DNAI4: variants seen among roughly 807,000 people sequenced by gnomAD.
DNAI4 encodes dynein axonemal intermediate chain 4, also known as WD repeat domain 78.
Under a neutral mutation model 105.8 loss-of-function variants are expected in DNAI4, and 85 were observed. That is an observed-to-expected ratio of 0.80 (90% CI 0.67 to 0.96). The LOEUF (loss-of-function observed/expected upper bound fraction) is 0.96, where lower values mean the gene tolerates loss of function less well. Among genes scored for constraint, DNAI4 ranks in the 40% least tolerant of loss-of-function variants. The pLI is 0.00. For missense variants in DNAI4, 1,014 were observed against 1,005.6 expected (o/e 1.01, Z -0.11); for synonymous variants, 352 against 331.5 (o/e 1.06, Z -0.67).
chr1:66,906,697 G>T (rs1226362015), intron 1 of DNAI4, among the ~76,000 whole-genome samples: 1 of 151,782 alleles, frequency 6.6e-6, no homozygotes, highest in Admixed American at 6.6e-5. Context: ...AATTCCATTT[G>T]TGCACTATTT....
At chr1:66,876,662 T>C (rs1646965377) in intron 4 of DNAI4, among the ~76,000 whole-genome samples, 1 of 152,198 alleles carries the variant, frequency 6.6e-6, no homozygotes, top group Admixed American at 6.5e-5. Flanking sequence ...CCACACTCTT[T>C]ACCTATAGAA....
At chr1:66,819,497 G>T (rs1645582101) in intron 16 of DNAI4, among the ~76,000 whole-genome samples, 1 of 151,918 alleles carries the variant, frequency 6.6e-6, no homozygotes, top group South Asian at 2.1e-4. Flanking sequence ...TCTTTTGCTT[G>T]TGTGTTTGTT....
intron 9 of DNAI4, 132 bp downstream of exon 9, chr1:66,840,337 T>C (rs754505985): frequency 3.7e-6 from 3 of 803,176 alleles, no homozygotes; most frequent in Non-Finnish European, 5.9e-6. Context: ...TTTAGGGGCA[T>C]TCTAAAACTC....
rs1203978288 is a variant in DNAI4, at chr1:66,893,073, GAAAGAA to G, written c.530+150_530+155del. On this transcript the variant is annotated intron_variant, in intron 3 of 16. Transcript: ENST00000371026. ...AAAGAAAGAGAGAGAGAGAAAGAAA[GAAAGAA>G]AGAAAGAAAGAAAGAAAGAAAGAAA... Among the ~76,000 whole-genome samples, 14 of 135,956 alleles carry G rather than the reference GAAAGAA, an allele frequency of 1.0e-4. 1 individual carries two copies. The highest frequency in any genetic ancestry group is 4.2e-4 in the African/African-American group (14 of 33,218). 89.2% of individuals were successfully genotyped at this position (135,956 alleles called of 152,430 possible).
At chr1:66,847,743 T>A in intron 7 of DNAI4, 65 bp from the exon 8 acceptor site, 2 of 1,268,546 alleles carry the variant, frequency 1.6e-6, no homozygotes, top group Non-Finnish European at 2.2e-6. Flanking sequence ...ATTCTAAAGA[T>A]TTTAAAAATG....
chr1:66,818,307 C>A (rs571488124), intron 16 of DNAI4, among the ~76,000 whole-genome samples: 7 of 151,744 alleles, frequency 4.6e-5, no homozygotes, highest in African/African-American at 9.7e-5. Flanking sequence ...TATGAAATTA[C>A]TAAGAATTCC....
At chr1:66,822,566 T>C (rs778199636) in intron 15 of DNAI4, 49 bp from the exon 16 acceptor site, 1 of 1,388,740 alleles carries the variant, frequency 7.2e-7, no homozygotes, top group Non-Finnish European at 9.5e-7. Flanking sequence ...ATTAATATGG[T>C]CTTTTAAATA....
intron 16 of DNAI4, among the ~76,000 whole-genome samples, chr1:66,818,000 C>T (rs79759767): frequency 0.054 from 8,232 of 152,188 alleles, 288 homozygotes; most frequent in South Asian, 0.094. Flanking sequence ...TAATGTTAAT[C>T]TTTTTTACCC....
At chr1:66,875,675 A>G (rs1646945181) in intron 4 of DNAI4, among the ~76,000 whole-genome samples, 3 of 152,118 alleles carry the variant, frequency 2.0e-5, no homozygotes, top group Admixed American at 2.0e-4. Flanking sequence ...AACAGGGTAT[A>G]CAGCAGACAT....
At chr1:66,838,819 A>T (rs962846421) in intron 9 of DNAI4, among the ~76,000 whole-genome samples, 1 of 152,110 alleles carries the variant, frequency 6.6e-6, no homozygotes, top group Non-Finnish European at 1.5e-5. Context: ...AACATTCAAG[A>T]GCTTCTTGTA....
chr1:66,845,235 G>C (rs973509675), intron 8 of DNAI4, among the ~76,000 whole-genome samples: 29 of 111,770 alleles, frequency 2.6e-4, no homozygotes, highest in African/African-American at 9.8e-4. Context: ...AAAAAAAAAA[G>C]GCAACTCAAT....
At chr1:66,859,419 C>G (rs1452871990) in intron 7 of DNAI4, among the ~76,000 whole-genome samples, 1 of 152,124 alleles carries the variant, frequency 6.6e-6, no homozygotes, top group Non-Finnish European at 1.5e-5. Context: ...GATACTCTTA[C>G]TGTATGATCC....
At chr1:66,860,123 T>C (rs1365801834) in intron 7 of DNAI4, among the ~76,000 whole-genome samples, 2 of 152,120 alleles carry the variant, frequency 1.3e-5, no homozygotes, top group African/African-American at 4.8e-5. Context: ...TCAATTTTTC[T>C]GTAAATCTAA....
intron 4 of DNAI4, among the ~76,000 whole-genome samples, chr1:66,875,625 G>A (rs1646944148): frequency 6.6e-6 from 1 of 152,118 alleles, no homozygotes; most frequent in Non-Finnish European, 1.5e-5. Context: ...TAACAGCCAT[G>A]AGAAAGTATA....
intron 7 of DNAI4, among the ~76,000 whole-genome samples, chr1:66,861,402 A>G (rs1646623243): frequency 6.6e-6 from 1 of 152,212 alleles, no homozygotes; most frequent in African/African-American, 2.4e-5. Flanking sequence ...CAGAATAGGA[A>G]AAGTAAAAGT....
At chr1:66,826,196 T>C (rs148611909) in intron 15 of DNAI4, among the ~76,000 whole-genome samples, 7 of 152,346 alleles carry the variant, frequency 4.6e-5, no homozygotes, top group African/African-American at 9.6e-5. Context: ...AAAATGCCTG[T>C]GTATGTTTCT....
rs1300442091 is a variant in DNAI4, at chr1:66,826,834, G to T, written c.2325C>A (p.Asp775Glu). ...TAGTAACTTACGTGCTGATATGAAG[G>T]TCCCAAATCTCCACCCTGTTCTCAT... is the stretch of plus-strand genomic sequence containing the variant. The part of the protein sequence containing the change: ...AANENRVEIW[D>E]LHISTLDPLI... Residue 775 changes from aspartate (D) to glutamate (E), a missense_variant, in exon 15 of 17, where the codon GAC (aspartate) becomes GAA (glutamate). By Grantham distance (45) the Asp-to-Glu change is conservative (BLOSUM62 2). Coordinates refer to ENST00000371026, the MANE Select transcript of DNAI4 (RefSeq NM_024763.5). The T allele has an allele frequency of 1.9e-6, 3 of 1,613,938 alleles. No individual in the cohort carries two copies. The highest frequency in any genetic ancestry group is 2.7e-5 in the African/African-American group (2 of 74,982).
At chr1:66,833,106 A>C (rs981936523) in intron 13 of DNAI4, among the ~76,000 whole-genome samples, 6 of 152,172 alleles carry the variant, frequency 3.9e-5, no homozygotes, top group African/African-American at 1.4e-4. Context: ...CCTCTCATCT[A>C]TCTATCTGCA....
At chr1:66,827,968 T>C (rs897625860) in intron 13 of DNAI4, 58 bp from the exon 14 acceptor site, 8 of 1,080,486 alleles carry the variant, frequency 7.4e-6, no homozygotes, top group Middle Eastern at 4.2e-4. Context: ...GTGTGATAAA[T>C]AGAAGATTAG....
Sources: allele counts gnomAD v4.1 joint callset (sites outside exome capture counted in the v4.1 genomes callset), GRCh38; gene constraint gnomAD v4.1.1; transcripts MANE v1.5; gene names NCBI Gene and HGNC (gene_info 2026-07-23, HGNC 2026-07-21).